The following HIP1 variants were observed in gnomAD, a reference collection of about 807,000 sequenced individuals.
HIP1 encodes the protein huntingtin interacting protein 1.
A neutral mutation model predicts 147.6 loss-of-function variants in HIP1; 65 were observed. That is an observed-to-expected ratio of 0.44 (90% CI 0.36 to 0.54). The LOEUF (loss-of-function observed/expected upper bound fraction) is 0.54. Ranked by LOEUF, HIP1 falls within the 20% of genes least tolerant of loss-of-function variation. The pLI, the probability that HIP1 is intolerant of heterozygous loss-of-function variation, is 0.00. For synonymous variants in HIP1, 479 were observed against 504.0 expected (o/e 0.95, Z 0.67); for missense variants, 1,061 against 1,299.6 (o/e 0.82, Z 2.82).
chr7:75,634,523 C>T (rs1048090701), intron 1 of HIP1, among the ~76,000 whole-genome samples: 15 of 152,172 alleles, frequency 9.9e-5, no homozygotes, highest in African/African-American at 3.4e-4. Context: ...GTTCTAACCC[C>T]GGTATGGAAT....
chr7:75,659,100 C>T (rs1337260855), intron 1 of HIP1, among the ~76,000 whole-genome samples: 2 of 152,192 alleles, frequency 1.3e-5, no homozygotes, highest in African/African-American at 4.8e-5. Context: ...CATTTTGTCT[C>T]GTCCTACTTC....
chr7:75,595,707 T>C (rs1355820538), intron 2 of HIP1, among the ~76,000 whole-genome samples: 1 of 151,972 alleles, frequency 6.6e-6, no homozygotes, highest in Non-Finnish European at 1.5e-5. Context: ...CTTTCACATA[T>C]AAGCATTTTT....
At chr7:75,723,669 C>T (rs1239391042) in intron 1 of HIP1, among the ~76,000 whole-genome samples, 1 of 152,086 alleles carries the variant, frequency 6.6e-6, no homozygotes, top group Non-Finnish European at 1.5e-5. Context: ...GCATGAAACC[C>T]TTCTCATGCT....
chr7:75,587,319 T>C (rs1179017410), intron 4 of HIP1, among the ~76,000 whole-genome samples: 1 of 152,142 alleles, frequency 6.6e-6, no homozygotes, highest in Non-Finnish European at 1.5e-5. Flanking sequence ...TGATCTCAGG[T>C]GATCTGCCCG....
At chr7:75,607,178 G>A (rs1306922565) in intron 1 of HIP1, among the ~76,000 whole-genome samples, 2 of 150,704 alleles carry the variant, frequency 1.3e-5, no homozygotes, top group African/African-American at 2.4e-5. Context: ...AGAACAGCCT[G>A]AGCAACACAG....
At position 75,562,925 on chromosome 7, in the gene HIP1, TG is replaced by T. The variant is rs1584801397; in HGVS notation, c.1020+9del. ...GGAAAGGCCAAGTTTCTCTCCCAAG[TG>T]GTCCTCACCTGCTGAGAGGCATCCA... On this transcript the variant is annotated intron_variant, in intron 11 of 30. Transcript: ENST00000336926. The T allele has an allele frequency of 6.8e-6, 11 of 1,613,986 alleles. No individual in the cohort carries two copies. Among genetic ancestry groups the T allele is most frequent in the Non-Finnish European group, 9.3e-6 (11 of 1,179,908 alleles).
At chr7:75,574,225 A>G (rs794352) in intron 7 of HIP1, among the ~76,000 whole-genome samples, 49,342 of 151,102 alleles carry the variant, frequency 0.33, 9,534 homozygotes, top group African/African-American at 0.55. Flanking sequence ...CCCGAGAGGC[A>G]GAGGTTGCAG....
chr7:75,551,119 T>C (rs1554492037), intron 22 of HIP1, among the ~76,000 whole-genome samples: 1 of 151,604 alleles, frequency 6.6e-6, no homozygotes. Flanking sequence ...ACAGTAGGAC[T>C]CCATTTACCT....
chr7:75,575,110 ATCCCACCACT>A (rs1795798212), intron 7 of HIP1, among the ~76,000 whole-genome samples: 2 of 151,030 alleles, frequency 1.3e-5, no homozygotes, highest in Admixed American at 6.6e-5. Context: ...GTGAGCCAAG[ATCCCACCACT>A]GCACTCCAGC....
intron 1 of HIP1, among the ~76,000 whole-genome samples, chr7:75,700,263 A>G (rs1554519091): frequency 6.6e-6 from 1 of 152,184 alleles, no homozygotes; most frequent in Admixed American, 6.6e-5. Flanking sequence ...TGCGGTGACC[A>G]TGAGCCCGTC....
chr7:75,699,055 A>T (rs1163068462), intron 1 of HIP1, among the ~76,000 whole-genome samples: 4 of 152,060 alleles, frequency 2.6e-5, no homozygotes, highest in African/African-American at 4.8e-5. Flanking sequence ...CTATTTAAAA[A>T]ATGAAATACA....
At chr7:75,586,937 T>C in intron 4 of HIP1, 104 bp from the exon 5 acceptor site, 1 of 759,178 alleles carries the variant, frequency 1.3e-6, no homozygotes, top group Admixed American at 2.1e-5. Context: ...CTTTGTTTTC[T>C]CCCCTTTATT....
chr7:75,692,986 G>A (rs112479348), intron 1 of HIP1, among the ~76,000 whole-genome samples: 11,170 of 151,638 alleles, frequency 0.074, 615 homozygotes, highest in East Asian at 0.17. Context: ...CCAACATGGC[G>A]AAGCTTGATC....
At chr7:75,671,195 G>A (rs1433068338) in intron 1 of HIP1, among the ~76,000 whole-genome samples, 2 of 152,096 alleles carry the variant, frequency 1.3e-5, no homozygotes, top group African/African-American at 4.8e-5. Flanking sequence ...CCGGGTTCGA[G>A]TGATTCTCCT....
intron 1 of HIP1, among the ~76,000 whole-genome samples, chr7:75,629,596 G>A (rs1478303774): frequency 6.6e-6 from 1 of 150,558 alleles, no homozygotes; most frequent in East Asian, 2.0e-4. Context: ...AGGCTGCAGT[G>A]CAGTGCTGCA....
At chr7:75,708,527 A>T (rs1801070085) in intron 1 of HIP1, among the ~76,000 whole-genome samples, 1 of 152,066 alleles carries the variant, frequency 6.6e-6, no homozygotes, top group African/African-American at 2.4e-5. Context: ...TAATGTTTGT[A>T]TATGGTGTAA....
chr7:75,657,763 A>G (rs1799187548), intron 1 of HIP1, among the ~76,000 whole-genome samples: 1 of 151,886 alleles, frequency 6.6e-6, no homozygotes, highest in Admixed American at 6.6e-5. Context: ...GAGGGGGAGA[A>G]AGGCTGAAAA....
intron 24 of HIP1, among the ~76,000 whole-genome samples, chr7:75,547,472 T>C (rs1474341853): frequency 6.6e-6 from 1 of 152,118 alleles, no homozygotes; most frequent in Admixed American, 6.6e-5. Context: ...TTCACCACAT[T>C]GGGCAGGCTG....
At chr7:75,690,584 C>A (rs782593233) in intron 1 of HIP1, among the ~76,000 whole-genome samples, 1 of 151,802 alleles carries the variant, frequency 6.6e-6, no homozygotes, top group Non-Finnish European at 1.5e-5. Flanking sequence ...AACACAGGGC[C>A]GGGCGTGGTG....
Sources: allele counts gnomAD v4.1 joint callset (sites outside exome capture counted in the v4.1 genomes callset), GRCh38; gene constraint gnomAD v4.1.1; transcripts MANE v1.5; gene names NCBI Gene and HGNC (gene_info 2026-07-23, HGNC 2026-07-21).